The following XNDC1N variants were observed in gnomAD, a reference collection of about 807,000 sequenced individuals.
XNDC1N encodes the protein protein XNDC1N.
At chr11:71,916,005 T>G in the XNDC1N span, 2 of 672,852 alleles carry the variant, frequency 3.0e-6, no homozygotes, top group South Asian at 1.6e-5. Flanking sequence ...CAAACAAGCA[T>G]CAGTTTCTTA....
the XNDC1N span, among the ~76,000 whole-genome samples, chr11:71,914,995 C>CTA: frequency 6.6e-6 from 1 of 152,144 alleles, no homozygotes; most frequent in African/African-American, 2.4e-5. Flanking sequence ...GTATCACATG[C>CTA]TACAGAGAAC....
At chr11:71,875,948 C>T in the XNDC1N span, among the ~76,000 whole-genome samples, 1 of 152,112 alleles carries the variant, frequency 6.6e-6, no homozygotes, top group Non-Finnish European at 1.5e-5. Context: ...TTCACTTGAA[C>T]CTGGAGGTGG....
chr11:71,880,271 TA>T, the XNDC1N span, among the ~76,000 whole-genome samples: 749 of 152,152 alleles, frequency 4.9e-3, 6 homozygotes, highest in African/African-American at 0.017. Flanking sequence ...TTGGTGTTGG[TA>T]AAAAAAATTT....
the XNDC1N span, among the ~76,000 whole-genome samples, chr11:71,869,435 C>A: frequency 6.6e-6 from 1 of 152,178 alleles, no homozygotes; most frequent in African/African-American, 2.4e-5. Flanking sequence ...GCCACATTTT[C>A]TTAATCCAAT....
At chr11:71,870,001 G>T in the XNDC1N span, among the ~76,000 whole-genome samples, 3 of 152,252 alleles carry the variant, frequency 2.0e-5, no homozygotes, top group East Asian at 5.8e-4. Context: ...GTTAGGCTGG[G>T]GAGGCCTAAC....
the XNDC1N span, among the ~76,000 whole-genome samples, chr11:71,907,476 C>G: frequency 2.1e-5 from 1 of 46,860 alleles, no homozygotes; most frequent in African/African-American, 3.6e-5. Flanking sequence ...TCTTGCCCCC[C>G]CTGGCTCTTA....
chr11:71,911,967 T>G, the XNDC1N span, among the ~76,000 whole-genome samples: 1 of 152,146 alleles, frequency 6.6e-6, no homozygotes, highest in African/African-American at 2.4e-5. Flanking sequence ...GGACAATTGA[T>G]GGAGGAAGGA....
the XNDC1N span, among the ~76,000 whole-genome samples, chr11:71,867,984 A>G: frequency 2.6e-5 from 4 of 152,206 alleles, no homozygotes; most frequent in South Asian, 2.1e-4. Context: ...TTGGGTTCAT[A>G]TATATTTAAG....
chr11:71,867,987 T>C, the XNDC1N span, among the ~76,000 whole-genome samples: 1 of 152,248 alleles, frequency 6.6e-6, no homozygotes, highest in Non-Finnish European at 1.5e-5. Context: ...GGTTCATATA[T>C]ATTTAAGATA....
At chr11:71,897,436 C>G in the XNDC1N span, among the ~76,000 whole-genome samples, 1 of 152,192 alleles carries the variant, frequency 6.6e-6, no homozygotes, top group African/African-American at 2.4e-5. Flanking sequence ...GTAGACGTGT[C>G]CCTAAAGAAG....
At chr11:71,883,511 G>A in the XNDC1N span, among the ~76,000 whole-genome samples, 68 of 152,188 alleles carry the variant, frequency 4.5e-4, no homozygotes, top group East Asian at 0.011. Flanking sequence ...TCTTCAATAC[G>A]TGGTACTAAG....
the XNDC1N span, chr11:71,917,639 C>T: frequency 4.3e-6 from 3 of 703,452 alleles, no homozygotes; most frequent in Admixed American, 4.0e-5. Context: ...AACATGCGGA[C>T]CCCGGAGCGG....
At chr11:71,917,681 T>A in the XNDC1N span, 1 of 703,170 alleles carries the variant, frequency 1.4e-6, no homozygotes, top group African/African-American at 1.7e-5. Flanking sequence ...GTTAGAGACA[T>A]TAGCGTGGTT....
chr11:71,914,339 A>G, the XNDC1N span: 4 of 456,116 alleles, frequency 8.8e-6, no homozygotes, highest in East Asian at 6.9e-5. Flanking sequence ...CAACCCTCCT[A>G]GTGGGCTTTC....
the XNDC1N span, among the ~76,000 whole-genome samples, chr11:71,915,043 G>A: frequency 2.6e-5 from 4 of 152,044 alleles, no homozygotes; most frequent in African/African-American, 9.7e-5. Context: ...TGTGGCAAAT[G>A]TAATTGTCTT....
At chr11:71,889,940 G>A in the XNDC1N span, among the ~76,000 whole-genome samples, 17 of 149,626 alleles carry the variant, frequency 1.1e-4, no homozygotes, top group African/African-American at 2.5e-5. Flanking sequence ...AGATTTCGAC[G>A]GCCTTTAGGG....
At chr11:71,911,986 G>C in the XNDC1N span, among the ~76,000 whole-genome samples, 1 of 152,202 alleles carries the variant, frequency 6.6e-6, no homozygotes, top group Non-Finnish European at 1.5e-5. Flanking sequence ...GATGGATTCG[G>C]TTAGCAGATG....
At chr11:71,928,398 C>A in the XNDC1N span, 12 of 690,532 alleles carry the variant, frequency 1.7e-5, 1 homozygote, top group African/African-American at 2.1e-4. Flanking sequence ...CCACCGTTGC[C>A]TCGGATCTCG....
At chr11:71,922,379 T>C in the XNDC1N span, among the ~76,000 whole-genome samples, 1 of 152,322 alleles carries the variant, frequency 6.6e-6, no homozygotes, top group South Asian at 2.1e-4. Context: ...CATGGCTCAC[T>C]GTTAGCCTCA....
Sources: gnomAD v4.1 joint callset for allele counts (sites outside exome capture counted in the v4.1 genomes callset) on GRCh38, gnomAD v4.1.1 for gene constraint, MANE v1.5 for transcripts, NCBI Gene and HGNC (gene_info 2026-07-23, HGNC 2026-07-21) for gene names.